The following MYO1H variants were observed in gnomAD, a reference collection of about 807,000 sequenced individuals.
MYO1H encodes unconventional myosin-Ih.
Under a neutral mutation model 149.3 loss-of-function variants are expected in MYO1H, and 118 were observed. That is an observed-to-expected ratio of 0.79 (90% CI 0.68 to 0.92). The LOEUF (loss-of-function observed/expected upper bound fraction) is 0.92, where lower values mean the gene tolerates loss of function less well. MYO1H is among the 40% of genes least tolerant of loss of function. The pLI is 0.00. For synonymous variants in MYO1H, 447 were observed against 465.2 expected (o/e 0.96, Z 0.50); for missense variants, 1,212 against 1,280.7 (o/e 0.95, Z 0.82).
In MYO1H at chr12:109,388,652, G is replaced by C. The variant is rs77616778; in HGVS notation, c.13-31G>C. 0.011 allele frequency: 17,171 copies of C among 1,509,510 alleles called. 1,622 individuals carry two copies. The African/African-American group carries it at 0.21, about 18-fold the overall frequency. The allele number at this position is 1,509,510 out of a possible 1,614,324, so 93.5% of individuals were successfully genotyped here. On this transcript the variant is annotated intron_variant, in intron 1 of 31. Coordinates refer to ENST00000310903, the Ensembl canonical transcript of MYO1H. ...GTGTAATAGATATTACCAAATAGAT[G>C]AGCTGCTGAAGAATGTTCTATTTCC...
chr12:109,409,860 T>C (rs954215474), intron 11 of MYO1H, 103 bp from the exon 12 acceptor site: 1 of 721,238 alleles, frequency 1.4e-6, no homozygotes. Flanking sequence ...ATGAGGACTT[T>C]GCTTTTTCTT....
intron 1 of MYO1H, among the ~76,000 whole-genome samples, chr12:109,355,326 C>A (rs368743659): frequency 1.3e-5 from 2 of 152,152 alleles, no homozygotes; most frequent in African/African-American, 4.8e-5. Flanking sequence ...ACTGGGGAAA[C>A]GTGCGACTGG....
At chr12:109,419,400 C>A (rs1287927419) in intron 15 of MYO1H, among the ~76,000 whole-genome samples, 1 of 152,056 alleles carries the variant, frequency 6.6e-6, no homozygotes, top group Non-Finnish European at 1.5e-5. Context: ...ATTGTGTCAT[C>A]CTCATATTTG....
rs747588260 is a variant in MYO1H, at chr12:109,438,640, A to G, written c.2294+20A>G. On this transcript the variant is annotated intron_variant, in intron 23 of 31. Coordinates refer to ENST00000310903, the Ensembl canonical transcript of MYO1H. ...CAGAAAGTAAGTTCTCAGGTACAACAGAGAGGACAGGTCACTAAATGCTGG... is the reference window on the plus strand; with the variant it reads ...CAGAAAGTAAGTTCTCAGGTACAACGGAGAGGACAGGTCACTAAATGCTGG... The G allele has an allele frequency of 6.4e-7, 1 of 1,565,620 alleles. No individual in the cohort carries two copies. The highest frequency in any genetic ancestry group is 8.7e-7 in the Non-Finnish European group (1 of 1,148,614).
At chr12:109,388,691 C>A in exon 2 of MYO1H, 1 of 1,570,032 alleles carries the variant, frequency 6.4e-7, no homozygotes, top group Non-Finnish European at 8.7e-7. Context: ...AGAAAGAAGA[C>A]GTGAGGAGGA....
intron 1 of MYO1H, among the ~76,000 whole-genome samples, chr12:109,385,005 A>G (rs1869272631): frequency 6.6e-6 from 1 of 152,218 alleles, no homozygotes; most frequent in Non-Finnish European, 1.5e-5. Flanking sequence ...AATGATGACA[A>G]AAGCAAGCAC....
chr12:109,406,110 CAGTT>C (rs991268280), intron 8 of MYO1H, 75 bp downstream of exon 8: 109 of 953,138 alleles, frequency 1.1e-4, no homozygotes, highest in Non-Finnish European at 1.6e-4. Flanking sequence ...TGGGTGCCCA[CAGTT>C]AGGCCCAAAT....
chr12:109,370,308 A>G (rs1177174636), intron 1 of MYO1H, among the ~76,000 whole-genome samples: 1 of 152,130 alleles, frequency 6.6e-6, no homozygotes, highest in African/African-American at 2.4e-5. Flanking sequence ...CAGGGGAAGG[A>G]TTGTCTTGGA....
intron 14 of MYO1H, among the ~76,000 whole-genome samples, chr12:109,413,115 A>G (rs1342361158): frequency 1.3e-5 from 2 of 152,050 alleles, no homozygotes; most frequent in Non-Finnish European, 2.9e-5. Context: ...CTGGGACTAC[A>G]GGTGTGCGCC....
At chr12:109,376,664 A>G (rs528478679) in intron 1 of MYO1H, among the ~76,000 whole-genome samples, 1 of 152,330 alleles carries the variant, frequency 6.6e-6, no homozygotes, top group East Asian at 1.9e-4. Context: ...TTGTATCCCC[A>G]TGCCAATATC....
chr12:109,360,728 A>AG (rs1868726526), intron 1 of MYO1H, among the ~76,000 whole-genome samples: 1 of 152,210 alleles, frequency 6.6e-6, no homozygotes, highest in Non-Finnish European at 1.5e-5. Context: ...AAAGAAAAAA[A>AG]CAAATGAGCA....
chr12:109,447,110 G>A (rs766350042), intron 31 of MYO1H, 49 bp from the exon 32 acceptor site: 23 of 1,564,844 alleles, frequency 1.5e-5, no homozygotes, highest in Admixed American at 9.3e-5. Context: ...TTCCTTTTGC[G>A]CAAAGGGAGC....
At chr12:109,344,430 A>C (rs1400390312), upstream of MYO1H, among the ~76,000 whole-genome samples, 2 of 152,232 alleles carry the variant, frequency 1.3e-5, no homozygotes, top group Admixed American at 6.5e-5. Context: ...TTAGCAAAAG[A>C]AGTGTAAGAC....
chr12:109,390,444 A>AT (rs1343593069), intron 2 of MYO1H, among the ~76,000 whole-genome samples: 2 of 151,432 alleles, frequency 1.3e-5, no homozygotes, highest in Admixed American at 6.6e-5. Flanking sequence ...GAGTATATTA[A>AT]TTTTTTTTCT....
intron 1 of MYO1H, among the ~76,000 whole-genome samples, chr12:109,360,440 TTC>T (rs1370579441): frequency 6.6e-6 from 1 of 152,194 alleles, no homozygotes; most frequent in Non-Finnish European, 1.5e-5. Flanking sequence ...CCCATCTCTC[TTC>T]TCTGTCTCTG....
rs559561512 is a variant in MYO1H, at chr12:109,401,526, A to G, written c.750+254A>G. 54 of 379,102 alleles carry G rather than the reference A, an allele frequency of 1.4e-4. No individual in the cohort carries two copies. The East Asian group carries it at 2.3e-3, about 16-fold the overall frequency. 23.5% of individuals were successfully genotyped at this position (379,102 alleles called of 1,614,324 possible). ...CCTGGCTGAAACTAGAATCACCTGA[A>G]GAGCCCTTTAAAAACACAAATGCCT... On this transcript the variant is annotated intron_variant, in intron 6 of 31. Coordinates refer to ENST00000310903, the Ensembl canonical transcript of MYO1H.
chr12:109,320,328 G>A, the MYO1H span, among the ~76,000 whole-genome samples: 1 of 150,502 alleles, frequency 6.6e-6, no homozygotes, highest in East Asian at 2.0e-4. Flanking sequence ...GAAAAAAACG[G>A]GCCAGACGTG....
intron 25 of MYO1H, among the ~76,000 whole-genome samples, 158 bp downstream of exon 25, chr12:109,440,985 A>C (rs1355277880): frequency 6.6e-6 from 1 of 152,234 alleles, no homozygotes; most frequent in African/African-American, 2.4e-5. Context: ...ACCTGCAGAG[A>C]GCCCTGGATG....
At chr12:109,350,018 G>A (rs1307913626) in intron 1 of MYO1H, among the ~76,000 whole-genome samples, 2 of 150,110 alleles carry the variant, frequency 1.3e-5, no homozygotes, top group African/African-American at 4.9e-5. Flanking sequence ...TTAAATATTA[G>A]AGATGGAACC....
Sources: allele counts gnomAD v4.1 joint callset (sites outside exome capture counted in the v4.1 genomes callset), GRCh38; gene constraint gnomAD v4.1.1; transcripts MANE v1.5; gene names NCBI Gene and HGNC (gene_info 2026-07-23, HGNC 2026-07-21).